Variants in IRAK4 observed in about 807,000 individuals in gnomAD.
IRAK4 encodes interleukin 1 receptor associated kinase 4.
A neutral mutation model predicts 51.8 loss-of-function variants in IRAK4; 44 were observed. That is an observed-to-expected ratio of 0.85 (90% confidence interval 0.67 to 1.09). IRAK4 has a LOEUF of 1.09. Ranked by LOEUF, IRAK4 falls within the 50% of genes least tolerant of loss-of-function variation. The pLI is 0.00. For missense variants in IRAK4, 487 were observed against 538.0 expected (o/e 0.91, Z 0.94); for synonymous variants, 149 against 174.1 (o/e 0.86, Z 1.13).
chr12:43,772,877 T>A (rs1940914019), intron 4 of IRAK4, 35 bp from the exon 5 acceptor site: 1 of 1,484,676 alleles, frequency 6.7e-7, no homozygotes, highest in Non-Finnish European at 9.2e-7. Context: ...AACGAATTTT[T>A]AAAATTTAAG....
intron 1 of IRAK4, among the ~76,000 whole-genome samples, chr12:43,761,501 A>T (rs1052054723): frequency 3.3e-5 from 5 of 151,820 alleles, no homozygotes; most frequent in African/African-American, 9.7e-5. Flanking sequence ...ATGTGACAAG[A>T]TTTGGCCCTT....
intron 10 of IRAK4, among the ~76,000 whole-genome samples, chr12:43,785,858 A>G (rs904503788): frequency 2.0e-5 from 3 of 151,946 alleles, no homozygotes; most frequent in Non-Finnish European, 4.4e-5. Flanking sequence ...ACTGTAAGCA[A>G]TTGTAACACA....
chr12:43,767,766 T>C (rs533776073), intron 1 of IRAK4, among the ~76,000 whole-genome samples: 1 of 152,184 alleles, frequency 6.6e-6, no homozygotes, highest in Non-Finnish European at 1.5e-5. Flanking sequence ...CTAATTCTGA[T>C]AGTTTGTTGA....
At chr12:43,776,365 G>A (rs1305930846) in intron 6 of IRAK4, among the ~76,000 whole-genome samples, 5 of 152,138 alleles carry the variant, frequency 3.3e-5, no homozygotes, top group Admixed American at 2.0e-4. Context: ...TATAAATTCA[G>A]CAAACGTTAA....
chr12:43,779,067 G>A (rs1474143663), intron 8 of IRAK4, among the ~76,000 whole-genome samples: 1 of 152,032 alleles, frequency 6.6e-6, no homozygotes, highest in Non-Finnish European at 1.5e-5. Context: ...TAGCAGACCT[G>A]ACTATGTTCC....
At position 43,777,698 on chromosome 12, in the gene IRAK4, A is replaced by T. The variant is rs773708174; in HGVS notation, c.785A>T (p.Tyr262Phe). 1.2e-6 allele frequency: 2 copies of T among 1,613,340 alleles called. No homozygotes were observed. Among genetic ancestry groups the T allele is most frequent in the Non-Finnish European group, 1.7e-6 (2 of 1,179,576 alleles). ...GATGGAGATGACCTCTGCTTAGTAT[A>T]TGTTTACATGCCTAATGGTTCATTG... Reference protein sequence around the residue: ...SSDGDDLCLVYVYMPNGSLLD... With the variant: ...SSDGDDLCLVFVYMPNGSLLD... The change falls in exon 7 of 12, where the codon TAT becomes TTT. Residue 262 changes from tyrosine (Y) to phenylalanine (F), a missense_variant. Transcript: ENST00000613694.
At chr12:43,781,614 A>G (rs888353941) in intron 8 of IRAK4, among the ~76,000 whole-genome samples, 11 of 152,162 alleles carry the variant, frequency 7.2e-5, no homozygotes, top group East Asian at 1.9e-4. Flanking sequence ...TTCCAGGCAC[A>G]TGGTTGTTCT....
At chr12:43,782,577 G>T in intron 9 of IRAK4, 87 bp downstream of exon 9, 4 of 1,087,918 alleles carry the variant, frequency 3.7e-6, no homozygotes, top group Non-Finnish European at 5.5e-6. Flanking sequence ...CACCCATCTT[G>T]TTTATCTCTC....
Position 43,775,874 on chromosome 12 carries a change from C to CTTTTTTTTTTTTT in IRAK4, c.717-1743_717-1731dup. ...TCCTTACCTTCATTTAATATCATTA[C>CTTTTTTTTTTTTT]TTTTTTTTTTTTTTTTTTTTTTTTT... On this transcript the variant is annotated intron_variant, in intron 6 of 11. Transcript: ENST00000613694. 6.1e-4 allele frequency among the ~76,000 whole-genome samples: 55 copies of CTTTTTTTTTTTTT among 90,538 alleles called. 6 individuals carry two copies. The highest frequency in any genetic ancestry group is 8.8e-4 in the Non-Finnish European group (44 of 49,946). The allele number at this position is 90,538 out of a possible 152,430, so 59.4% of individuals were successfully genotyped here.
At chr12:43,764,693 C>A (rs1939931514) in intron 1 of IRAK4, among the ~76,000 whole-genome samples, 1 of 152,156 alleles carries the variant, frequency 6.6e-6, no homozygotes, top group African/African-American at 2.4e-5. Context: ...TTGAAACTCA[C>A]AGAATTGCCC....
chr12:43,785,841 C>A (rs1211374986), intron 10 of IRAK4, among the ~76,000 whole-genome samples: 2 of 151,824 alleles, frequency 1.3e-5, no homozygotes, highest in Non-Finnish European at 2.9e-5. Flanking sequence ...ATAATACTCT[C>A]CTGAATACTG....
intron 5 of IRAK4, among the ~76,000 whole-genome samples, 177 bp downstream of exon 5, chr12:43,773,249 C>G (rs1433639909): frequency 6.6e-6 from 1 of 151,894 alleles, no homozygotes; most frequent in Non-Finnish European, 1.5e-5. Context: ...TGGACCCTAC[C>G]CCTAGAAAAA....
Position 43,778,284 on chromosome 12 carries a change from T to C in IRAK4, c.923T>C (p.Ile308Thr), listed in dbSNP as rs752451445. ...GINFLHENHH[I>T]HRDIKSANIL... The stretch of plus-strand genomic sequence containing the variant: ...AATTTTCTACATGAAAATCATCATA[T>C]TCATAGAGATATTAAAAGGTAAATG... Residue 308 changes from isoleucine (I) to threonine (T), a missense_variant, in exon 8 of 12, where the codon ATT becomes ACT. Coordinates refer to ENST00000613694, the MANE Select transcript of IRAK4 (RefSeq NM_016123.4). The C allele has an allele frequency of 6.3e-7, 1 of 1,583,884 alleles. No homozygotes were observed.
rs1199877744 is a variant in IRAK4, at chr12:43,768,278, A to C, written c.161+6A>C. 6.3e-7 allele frequency: 1 copy of C among 1,597,774 alleles called. No homozygotes were observed. ...TACAATCAGTTTCACATAAGGTAAC[A>C]GATAAAATTCTTTGTATTTTTAAAT... On this transcript the variant is annotated splice_donor_region_variant and intron_variant, in intron 2 of 11. Coordinates refer to ENST00000613694, the MANE Select transcript of IRAK4 (RefSeq NM_016123.4).
intron 8 of IRAK4, among the ~76,000 whole-genome samples, chr12:43,780,110 T>G (rs994129001): frequency 1.3e-5 from 2 of 151,812 alleles, no homozygotes; most frequent in African/African-American, 4.8e-5. Context: ...CAAGAGGGAG[T>G]AGTCAAAAAG....
In IRAK4 at chr12:43,789,076, A is replaced by G. The variant is rs1214738177; in HGVS notation, c.*2361A>G. The stretch of plus-strand genomic sequence containing the variant: ...TGGGAAGGGATGATTATATTTTGCA[A>G]TGTGAGAAAGACATTAGATTTGGGG... On this transcript the variant is annotated 3_prime_UTR_variant, in exon 12 of 12. Coordinates refer to ENST00000613694, the MANE Select transcript of IRAK4 (RefSeq NM_016123.4). 1.3e-5 allele frequency: 2 copies of G among 152,216 alleles called. No homozygotes were observed. Among genetic ancestry groups the G allele is most frequent in the Non-Finnish European group, 1.5e-5 (1 of 68,072 alleles). 9.4% of individuals were successfully genotyped at this position (152,216 alleles called of 1,614,324 possible).
chr12:43,761,784 T>C (rs187147690), intron 1 of IRAK4, among the ~76,000 whole-genome samples: 12 of 152,346 alleles, frequency 7.9e-5, no homozygotes, highest in African/African-American at 9.6e-5. Context: ...CACAGTACTT[T>C]GGGAAGGCAT....
At chr12:43,776,600 G>T (rs1028998580) in intron 6 of IRAK4, among the ~76,000 whole-genome samples, 2 of 152,154 alleles carry the variant, frequency 1.3e-5, no homozygotes, top group African/African-American at 2.4e-5. Flanking sequence ...TCATTTAATT[G>T]TCTCAGCATC....
chr12:43,781,823 TC>T (rs1243482779), intron 8 of IRAK4, among the ~76,000 whole-genome samples: 18 of 152,210 alleles, frequency 1.2e-4, no homozygotes, highest in African/African-American at 4.3e-4. Context: ...CATATTTTTT[TC>T]TCTTCAAAAG....
Sources: gnomAD v4.1 joint callset for allele counts (sites outside exome capture counted in the v4.1 genomes callset) on GRCh38, gnomAD v4.1.1 for gene constraint, MANE v1.5 for transcripts, NCBI Gene and HGNC (gene_info 2026-07-23, HGNC 2026-07-21) for gene names.